The following BPTF variants were observed in gnomAD, a reference collection of about 807,000 sequenced individuals.
The protein encoded by BPTF is bromodomain PHD finger transcription factor.
A neutral mutation model predicts 292.5 loss-of-function variants in BPTF; 18 were observed. That is an observed-to-expected ratio of 0.06 (90% CI 0.04 to 0.09). BPTF has a LOEUF of 0.09. Ranked by LOEUF, BPTF falls within the 10% of genes least tolerant of loss-of-function variation. BPTF has a pLI of 1.00. For missense variants in BPTF, 2,726 were observed against 3,498.7 expected (o/e 0.78, Z 5.57); for synonymous variants, 1,225 against 1,251.9 (o/e 0.98, Z 0.45).
intron 21 of BPTF, 29 bp from the exon 22 acceptor site, chr17:67,947,697 T>C (rs1327698151): frequency 4.6e-6 from 7 of 1,524,604 alleles, no homozygotes; most frequent in Non-Finnish European, 5.3e-6. Context: ...TTATAAAATA[T>C]GCGCTTTTGG....
rs58462646 is a variant in BPTF, at chr17:67,923,471, C to CTTTTTTTTTTTTT, written c.5708+498_5708+510dup. On this transcript the variant is annotated intron_variant, in intron 14 of 27. Transcript: ENST00000306378. ...GTTTAGTAAGGTCCTCTCTCTCTGT[C>CTTTTTTTTTTTTT]TTTTTTTTTTTTTTTTTTTTTTTTT... Among the ~76,000 whole-genome samples, 6 of 67,494 alleles carry CTTTTTTTTTTTTT rather than the reference C, an allele frequency of 8.9e-5. 1 individual carries two copies. The highest frequency in any genetic ancestry group is 2.9e-4 in the African/African-American group (5 of 17,006). The allele number at this position is 67,494 out of a possible 152,430, so 44.3% of individuals were successfully genotyped here. A position where few individuals can be genotyped will look rare whatever the true frequency, so the allele number is the denominator to read the frequency against.
chr17:67,840,903 TGG>T (rs1177707720), intron 1 of BPTF, among the ~76,000 whole-genome samples: 2 of 152,188 alleles, frequency 1.3e-5, no homozygotes, highest in Non-Finnish European at 2.9e-5. Flanking sequence ...TTATATATTT[TGG>T]ATATAAGTGC....
chr17:67,857,786 T>C (rs1252729314), intron 2 of BPTF, among the ~76,000 whole-genome samples: 33 of 120,200 alleles, frequency 2.7e-4, no homozygotes, highest in South Asian at 9.3e-4. Context: ...TTCTTTCTTT[T>C]TTTTTTTTTT....
At chr17:67,849,681 T>C (rs2058263872) in intron 1 of BPTF, among the ~76,000 whole-genome samples, 1 of 152,148 alleles carries the variant, frequency 6.6e-6, no homozygotes, top group African/African-American at 2.4e-5. Context: ...CTCACACCTG[T>C]AATCCCATAA....
At chr17:67,925,196 A>G (rs1253692668) in intron 15 of BPTF, among the ~76,000 whole-genome samples, 3 of 151,460 alleles carry the variant, frequency 2.0e-5, no homozygotes, top group Non-Finnish European at 2.9e-5. Flanking sequence ...TCTATTATTT[A>G]TTATCTTTAG....
At position 67,945,522 on chromosome 17, in the gene BPTF, A is replaced by G; in HGVS notation, c.6814A>G (p.Thr2272Ala). 6.2e-7 allele frequency: 1 copy of G among 1,613,962 alleles called. No individual in the cohort carries two copies. Reference protein sequence around the residue: ...SVGPAEAQPQTAQPSAQPQPQ... With the variant: ...SVGPAEAQPQAAQPSAQPQPQ... Reference sequence around the variant, plus strand: ...GGGTCCAGCAGAAGCCCAGCCACAGACTGCTCAGCCTTCAGCTCAGCCCCA... The same window carrying G: ...GGGTCCAGCAGAAGCCCAGCCACAGGCTGCTCAGCCTTCAGCTCAGCCCCA... Residue 2272 changes from threonine to alanine, a missense_variant, in exon 21 of 28, where the codon ACT becomes GCT. Around this residue, in one of 22 missense-constraint regions of BPTF, gnomAD observed 570 missense variants for 633.5 expected, o/e 0.90. Coordinates refer to ENST00000306378, the MANE Select transcript of BPTF (RefSeq NM_182641.4).
intron 19 of BPTF, among the ~76,000 whole-genome samples, chr17:67,943,756 G>C (rs1161715234): frequency 6.6e-6 from 1 of 152,146 alleles, no homozygotes; most frequent in African/African-American, 2.4e-5. Context: ...TCCATTGTGA[G>C]AATCAAATGA....
At chr17:67,858,029 G>A (rs949466784) in intron 2 of BPTF, among the ~76,000 whole-genome samples, 1 of 151,558 alleles carries the variant, frequency 6.6e-6, no homozygotes, top group Non-Finnish European at 1.5e-5. Context: ...CTTGTGATCC[G>A]CCCACCTCAG....
In BPTF at chr17:67,894,069, A is replaced by C; in HGVS notation, c.2447A>C (p.Lys816Thr). ...ATCAAGGCAGTTCAGATGTGTAGCA[A>C]ACCCAGAGAATTTGCATTGGCTTTA... ...NWIKAVQMCS[K>T]PREFALALAI... is the part of the protein sequence containing the mutation. Residue 816 changes from lysine (K) to threonine (T), a missense_variant, in exon 7 of 28, where the codon AAA becomes ACA. By Grantham distance (78) the Lys-to-Thr change is moderately conservative. This residue lies in a region of BPTF where 99 missense variants were observed against 227.1 expected (regional missense o/e 0.44). Transcript: ENST00000306378. 3.7e-6 allele frequency: 6 copies of C among 1,614,086 alleles called. No individual in the cohort carries two copies. The highest frequency in any genetic ancestry group is 5.1e-6 in the Non-Finnish European group (6 of 1,179,948).
intron 23 of BPTF, among the ~76,000 whole-genome samples, chr17:67,952,034 G>A (rs1386509092): frequency 1.9e-5 from 2 of 107,844 alleles, no homozygotes; most frequent in South Asian, 3.5e-4. Context: ...CAGCCTGGGC[G>A]ACAGAGTGAG....
chr17:67,972,192 G>A (rs782448339), intron 26 of BPTF, among the ~76,000 whole-genome samples: 3 of 151,818 alleles, frequency 2.0e-5, no homozygotes, highest in African/African-American at 4.8e-5. Context: ...TTTTTCTCTC[G>A]AGATATTTGG....
chr17:67,928,529 G>T lies in BPTF; in HGVS notation c.5926G>T (p.Val1976Leu), dbSNP rs1251201265. The change falls in exon 16 of 28, where the codon GTA becomes TTA. Residue 1976 changes from valine (V) to leucine (L), a missense_variant. This residue lies in a region of BPTF where 198 missense variants were observed against 277.1 expected (regional missense o/e 0.71). Coordinates refer to ENST00000306378, the MANE Select transcript of BPTF (RefSeq NM_182641.4). ...TACTAAAGTTGGATCTCCAGCTACA[G>T]TAACATTCCAACAAAACAAGAACTT... The part of the protein sequence containing the change: ...LTTKVGSPAT[V>L]TFQQNKNFHQ... The T allele has an allele frequency of 6.2e-7, 1 of 1,614,164 alleles. No individual in the cohort carries two copies. The highest frequency in any genetic ancestry group is 8.5e-7 in the Non-Finnish European group (1 of 1,180,012).
rs1187677987 is a variant in BPTF, at chr17:67,854,280, G to A, written c.954G>A (p.Leu318=). Residue 318 remains leucine (L), a synonymous_variant, in exon 2 of 28, where the codon CTG becomes CTA. Coordinates refer to ENST00000306378, the MANE Select transcript of BPTF (RefSeq NM_182641.4). The surrounding 1 kb of genome is among the most constrained non-coding windows in gnomAD (Gnocchi z 5.6). The part of the protein sequence containing the change: ...ADLKDSVNST[L]YFIDGMTWPE... ...TGAAAGATAGCGTTAATTCCACACTGTATTTCATAGATGGGATGACGTGGC... is the reference window on the plus strand; with the variant it reads ...TGAAAGATAGCGTTAATTCCACACTATATTTCATAGATGGGATGACGTGGC... 2 of 1,614,156 alleles carry A rather than the reference G, an allele frequency of 1.2e-6. No homozygotes were observed.
chr17:67,908,766 C>T (rs1412581429), intron 9 of BPTF, among the ~76,000 whole-genome samples: 1 of 151,254 alleles, frequency 6.6e-6, no homozygotes, highest in African/African-American at 2.4e-5. Flanking sequence ...GCTGGGATTA[C>T]AGGCATAAGC....
chr17:67,899,644 C>G (rs1343522966), intron 7 of BPTF, among the ~76,000 whole-genome samples: 1 of 151,480 alleles, frequency 6.6e-6, no homozygotes, highest in Non-Finnish European at 1.5e-5. Context: ...GATTCTCCTG[C>G]CTCAGCCTCC....
chr17:67,900,846 C>CA (rs1168563025), intron 7 of BPTF, among the ~76,000 whole-genome samples: 1 of 151,404 alleles, frequency 6.6e-6, no homozygotes, highest in Non-Finnish European at 1.5e-5. Context: ...TCTGTCTCTA[C>CA]AAAAAAATTA....
intron 24 of BPTF, among the ~76,000 whole-genome samples, chr17:67,960,992 C>T (rs1340302646): frequency 3.9e-5 from 6 of 152,144 alleles, no homozygotes; most frequent in East Asian, 1.9e-4. Context: ...AACAGTAGAA[C>T]GTGATTCACT....
intron 1 of BPTF, among the ~76,000 whole-genome samples, chr17:67,836,674 G>A (rs1455474935): frequency 6.6e-6 from 1 of 152,118 alleles, no homozygotes; most frequent in Non-Finnish European, 1.5e-5. Context: ...TAACAATATC[G>A]TAGACTTCAA....
At chr17:67,853,803 C>T (rs1222056312) in intron 1 of BPTF, 137 bp from the exon 2 acceptor site, 3 of 673,280 alleles carry the variant, frequency 4.5e-6, no homozygotes, top group Non-Finnish European at 4.9e-6. Context: ...TGAATCATTG[C>T]TTCTTCGTAT....
Sources: allele counts gnomAD v4.1 joint callset (sites outside exome capture counted in the v4.1 genomes callset), GRCh38; gene constraint gnomAD v4.1.1; regional missense constraint gnomAD v4.1.1; non-coding constraint Gnocchi (gnomAD v3.1); transcripts MANE v1.5; gene names NCBI Gene and HGNC (gene_info 2026-07-23, HGNC 2026-07-21).